Variants in RIN2 observed in about 807,000 individuals in gnomAD.
RIN2 encodes the protein RAB5 interacting protein 2.
Under a neutral mutation model 78.0 loss-of-function variants are expected in RIN2, and 36 were observed. The observed-to-expected ratio is 0.46, with a 90% CI of 0.35 to 0.61. The LOEUF (loss-of-function observed/expected upper bound fraction) is 0.61, where lower values mean the gene tolerates loss of function less well. Ranked by LOEUF, RIN2 falls within the 20% of genes least tolerant of loss-of-function variation. The pLI, the probability that RIN2 is intolerant of heterozygous loss-of-function variation, is 0.00. For synonymous variants in RIN2, 466 were observed against 466.8 expected, an observed-to-expected ratio of 1.00 and a Z score of 0.02; for missense variants, 1,087 against 1,159.7, an observed-to-expected ratio of 0.94 and a Z score of 0.91.
intron 3 of RIN2, among the ~76,000 whole-genome samples, chr20:19,894,916 C>T (rs943894454): frequency 2.0e-5 from 3 of 152,128 alleles, no homozygotes; most frequent in African/African-American, 7.2e-5. Context: ...TGTACCTTGA[C>T]ATTCAAAGAT....
intron 4 of RIN2, among the ~76,000 whole-genome samples, chr20:19,943,515 T>C (rs1600888550): frequency 1.3e-5 from 2 of 152,146 alleles, no homozygotes; most frequent in South Asian, 4.1e-4. Context: ...CCCTTCGCCA[T>C]GGAGGAATAA....
intron 12 of RIN2, among the ~76,000 whole-genome samples, chr20:19,999,938 G>A (rs968440464): frequency 1.3e-5 from 2 of 152,292 alleles, no homozygotes; most frequent in South Asian, 2.1e-4. Context: ...TCACCATTTG[G>A]GGGAGATAAA....
intron 2 of RIN2, among the ~76,000 whole-genome samples, chr20:19,832,977 C>A (rs2036293238): frequency 6.6e-6 from 1 of 152,090 alleles, no homozygotes; most frequent in Admixed American, 6.5e-5. Context: ...CCACAGCAGC[C>A]CCTATGCTCC....
At chr20:19,798,436 G>C (rs1263233118) in intron 1 of RIN2, among the ~76,000 whole-genome samples, 1 of 152,000 alleles carries the variant, frequency 6.6e-6, no homozygotes, top group African/African-American at 2.4e-5. Context: ...TGGAGGGAAA[G>C]TCAGAGTCCA....
At chr20:19,835,049 GAC>G (rs1444605999) in intron 2 of RIN2, among the ~76,000 whole-genome samples, 1 of 145,582 alleles carries the variant, frequency 6.9e-6, no homozygotes, top group African/African-American at 2.5e-5. Context: ...GAAAGAAAAA[GAC>G]AGAAAGAAAG....
chr20:19,812,299 T>C (rs1372002950), intron 2 of RIN2, among the ~76,000 whole-genome samples: 1 of 152,228 alleles, frequency 6.6e-6, no homozygotes, highest in Admixed American at 6.5e-5. Flanking sequence ...CCAACTGTTT[T>C]CCGAAGAGAC....
intron 1 of RIN2, among the ~76,000 whole-genome samples, chr20:19,764,434 G>A (rs1178796966): frequency 6.6e-6 from 1 of 152,166 alleles, no homozygotes; most frequent in African/African-American, 2.4e-5. Context: ...GTCTATGCAG[G>A]ACCTAGCAGT....
At chr20:19,763,475 C>G (rs1033184237) in intron 1 of RIN2, among the ~76,000 whole-genome samples, 1 of 152,188 alleles carries the variant, frequency 6.6e-6, no homozygotes, top group Admixed American at 6.5e-5. Context: ...TAGAACCACA[C>G]AAGTGAATAC....
At chr20:19,925,347 TAA>T (rs1451418318) in intron 3 of RIN2, among the ~76,000 whole-genome samples, 1 of 152,206 alleles carries the variant, frequency 6.6e-6, no homozygotes, top group African/African-American at 2.4e-5. Flanking sequence ...ATATACTGTA[TAA>T]GTCTTAGCAG....
chr20:19,950,943 G>A (rs1279263346), intron 4 of RIN2, among the ~76,000 whole-genome samples: 3 of 148,850 alleles, frequency 2.0e-5, no homozygotes, highest in Non-Finnish European at 4.4e-5. Context: ...CCGCTGAAGT[G>A]CAGTGGTGCC....
intron 2 of RIN2, among the ~76,000 whole-genome samples, chr20:19,834,159 T>A (rs112289265): frequency 6.6e-6 from 1 of 152,142 alleles, no homozygotes; most frequent in Non-Finnish European, 1.5e-5. Flanking sequence ...TGTCAGAGCC[T>A]AGTTAATGGA....
intron 1 of RIN2, among the ~76,000 whole-genome samples, chr20:19,765,342 T>C (rs2033840150): frequency 6.6e-6 from 1 of 152,106 alleles, no homozygotes; most frequent in African/African-American, 2.4e-5. Flanking sequence ...CCAGTGGGCA[T>C]TGATTGTATG....
intron 1 of RIN2, among the ~76,000 whole-genome samples, chr20:19,762,600 G>A (rs537917035): frequency 4.6e-5 from 7 of 152,210 alleles, no homozygotes; most frequent in African/African-American, 1.2e-4. Context: ...CAGATGGGGC[G>A]GGATGGGGAG....
intron 2 of RIN2, among the ~76,000 whole-genome samples, chr20:19,840,760 A>G (rs143673278): frequency 1.1e-3 from 168 of 152,298 alleles, no homozygotes; most frequent in Middle Eastern, 3.4e-3. Flanking sequence ...AGCATTTTTC[A>G]TGCATGTTCC....
intron 2 of RIN2, among the ~76,000 whole-genome samples, chr20:19,874,391 T>C (rs2037791045): frequency 6.6e-6 from 1 of 152,204 alleles, no homozygotes; most frequent in Non-Finnish European, 1.5e-5. Flanking sequence ...TGGTTCAGTG[T>C]TGGCTAATTC....
intron 7 of RIN2, among the ~76,000 whole-genome samples, chr20:19,966,637 C>T (rs2041948926): frequency 6.6e-6 from 1 of 152,108 alleles, no homozygotes; most frequent in Admixed American, 6.5e-5. Context: ...GCCACTAAGC[C>T]GTTCACCCTC....
At chr20:19,838,661 G>C (rs6046356) in intron 2 of RIN2, among the ~76,000 whole-genome samples, 109,110 of 152,026 alleles carry the variant, frequency 0.72, 40,094 homozygotes, top group East Asian at 0.92. Flanking sequence ...TCTCTTTCCC[G>C]CATGGCTACA....
At chr20:19,845,043 T>C (rs865950992) in intron 2 of RIN2, among the ~76,000 whole-genome samples, 1 of 152,176 alleles carries the variant, frequency 6.6e-6, no homozygotes, top group Non-Finnish European at 1.5e-5. Flanking sequence ...TTCATCCATG[T>C]CCCTGCAAAG....
At chr20:19,885,561 C>CA (rs11454094) in intron 2 of RIN2, among the ~76,000 whole-genome samples, 126,432 of 151,940 alleles carry the variant, frequency 0.83, 52,748 homozygotes, top group East Asian at 0.96. Context: ...TGGCTACTTG[C>CA]AGGCTGAGGC....
Sources: allele counts gnomAD v4.1 joint callset (sites outside exome capture counted in the v4.1 genomes callset), GRCh38; gene constraint gnomAD v4.1.1; transcripts MANE v1.5; gene names NCBI Gene and HGNC (gene_info 2026-07-23, HGNC 2026-07-21).